Variants in SH2D4A observed in about 807,000 individuals in gnomAD.
The protein encoded by SH2D4A is SH2 domain containing 4A.
In SH2D4A, 70 loss-of-function variants were observed where a neutral mutation model predicts 64.7. The ratio of observed to expected loss-of-function variants is 1.08; its 90% CI spans 0.89 to 1.32. SH2D4A has a LOEUF of 1.32. Among genes scored for constraint, SH2D4A ranks in the 40% most tolerant of loss-of-function variants. The pLI, the probability that SH2D4A is intolerant of heterozygous loss-of-function variation, is 0.00. For missense variants in SH2D4A, 706 were observed against 540.1 expected (o/e 1.31, Z -3.04); for synonymous variants, 268 against 200.7 (o/e 1.34, Z -2.83).
intron 2 of SH2D4A, among the ~76,000 whole-genome samples, chr8:19,320,983 T>C (rs2052179625): frequency 6.6e-6 from 1 of 152,214 alleles, no homozygotes; most frequent in Non-Finnish European, 1.5e-5. Flanking sequence ...TTACTGTCTT[T>C]TATTAAAACT....
chr8:19,345,288 T>C (rs1367513998), intron 4 of SH2D4A, among the ~76,000 whole-genome samples: 1 of 152,186 alleles, frequency 6.6e-6, no homozygotes, highest in Non-Finnish European at 1.5e-5. Flanking sequence ...AGATGGACTC[T>C]GTTTGCTGAG....
At chr8:19,319,133 C>CTT (rs35016269) in intron 1 of SH2D4A, among the ~76,000 whole-genome samples, 21 of 145,094 alleles carry the variant, frequency 1.4e-4, no homozygotes, top group East Asian at 1.4e-3. Flanking sequence ...GGTTTGTTTT[C>CTT]TTTTTTTTTT....
chr8:19,317,303 ATTTTTTT>A (rs761621347), intron 1 of SH2D4A, among the ~76,000 whole-genome samples: 1 of 97,372 alleles, frequency 1.0e-5, no homozygotes, highest in Non-Finnish European at 2.0e-5. Flanking sequence ...CAAGACATCC[ATTTTTTT>A]TTTTTTTTTT....
chr8:19,385,513 T>G (rs2053373941), intron 8 of SH2D4A, among the ~76,000 whole-genome samples: 1 of 152,116 alleles, frequency 6.6e-6, no homozygotes, highest in Non-Finnish European at 1.5e-5. Flanking sequence ...ACTTCAGCTA[T>G]TTTGATTTCT....
chr8:19,393,450 T>A lies in SH2D4A; in HGVS notation c.1181T>A (p.Phe394Tyr), dbSNP rs1445286959. The A allele has an allele frequency of 6.2e-7, 1 of 1,614,234 alleles. No individual in the cohort carries two copies. The highest frequency in any genetic ancestry group is 1.1e-5 in the South Asian group (1 of 91,084). Residue 394 changes from phenylalanine (F) to tyrosine (Y), a missense_variant, in exon 9 of 10, where the codon TTC (phenylalanine) becomes TAC (tyrosine). Physicochemically the swap from Phe to Tyr is conservative, Grantham distance 22. Transcript: ENST00000265807. ...SYLSEDGCKH[F>Y]LIDASADAYS... ...CTGTCGGAGGACGGCTGTAAACATT[T>A]CCTCATCGATGCCTCTGCAGACGCC...
rs1303088754 is a variant in SH2D4A at position 19,394,568 on chromosome 8, C to A, written c.1291C>A (p.Leu431Met). ...EYHKEEPITS[L>M]GKELLLYPCG... Reference sequence around the variant, plus strand: ...TTGACAGGAGGAACCCATCACTTCCCTGGGGAAGGAGCTCCTTCTCTATCC... The same window carrying A: ...TTGACAGGAGGAACCCATCACTTCCATGGGGAAGGAGCTCCTTCTCTATCC... Residue 431 changes from leucine to methionine, a missense_variant, in exon 10 of 10, where the codon CTG (leucine) becomes ATG (methionine). Coordinates refer to ENST00000265807, the MANE Select transcript of SH2D4A (RefSeq NM_022071.4). The A allele has an allele frequency of 1.2e-6, 2 of 1,607,974 alleles. No homozygotes were observed. Among genetic ancestry groups the A allele is most frequent in the South Asian group, 2.2e-5 (2 of 89,902 alleles).
At chr8:19,327,080 C>T (rs1175789985) in intron 2 of SH2D4A, among the ~76,000 whole-genome samples, 1 of 152,168 alleles carries the variant, frequency 6.6e-6, no homozygotes, top group East Asian at 1.9e-4. Flanking sequence ...GGAAATGTCT[C>T]TCAGATCTTA....
intron 2 of SH2D4A, among the ~76,000 whole-genome samples, chr8:19,323,203 G>C (rs2052221051): frequency 6.6e-6 from 1 of 152,004 alleles, no homozygotes; most frequent in Non-Finnish European, 1.5e-5. Flanking sequence ...CTTGAGCACA[G>C]GAAATGAGGC....
At chr8:19,388,523 G>C (rs1378209351) in intron 8 of SH2D4A, among the ~76,000 whole-genome samples, 2 of 152,124 alleles carry the variant, frequency 1.3e-5, no homozygotes, top group Non-Finnish European at 2.9e-5. Context: ...AATTATTTGA[G>C]GATAATAACA....
At chr8:19,374,474 T>A (rs1461805488) in intron 8 of SH2D4A, among the ~76,000 whole-genome samples, 1 of 152,194 alleles carries the variant, frequency 6.6e-6, no homozygotes, top group African/African-American at 2.4e-5. Context: ...CCTAAGCATG[T>A]CTTGGTTTGC....
At chr8:19,381,328 G>T (rs2053289760) in intron 8 of SH2D4A, among the ~76,000 whole-genome samples, 1 of 152,202 alleles carries the variant, frequency 6.6e-6, no homozygotes, top group Admixed American at 6.5e-5. Flanking sequence ...GGGATTACAA[G>T]CATGAGCCAC....
intron 6 of SH2D4A, among the ~76,000 whole-genome samples, chr8:19,361,992 AGAG>A (rs1244652781): frequency 6.6e-6 from 1 of 152,232 alleles, no homozygotes; most frequent in African/African-American, 2.4e-5. Flanking sequence ...AACTGAAGGC[AGAG>A]GAGAGGATGC....
intron 5 of SH2D4A, among the ~76,000 whole-genome samples, chr8:19,358,909 A>G (rs1357598320): frequency 6.6e-6 from 1 of 152,012 alleles, no homozygotes; most frequent in Non-Finnish European, 1.5e-5. Flanking sequence ...CACACCTTCC[A>G]CCCTGGGCAT....
chr8:19,383,219 T>A (rs908060731), intron 8 of SH2D4A, among the ~76,000 whole-genome samples: 1 of 152,124 alleles, frequency 6.6e-6, no homozygotes, highest in Non-Finnish European at 1.5e-5. Flanking sequence ...GTAGGTCTGG[T>A]AGGCTGTGTT....
chr8:19,332,460 C>G (rs1016659239), intron 2 of SH2D4A, among the ~76,000 whole-genome samples: 1 of 152,060 alleles, frequency 6.6e-6, no homozygotes, highest in Non-Finnish European at 1.5e-5. Flanking sequence ...ATGGTGAAAT[C>G]CTGTCTCTAC....
intron 8 of SH2D4A, among the ~76,000 whole-genome samples, chr8:19,386,580 G>T (rs544433502): frequency 1.3e-4 from 20 of 152,256 alleles, no homozygotes; most frequent in African/African-American, 4.6e-4. Context: ...GACCCTTGTA[G>T]TTCCCTGTCC....
chr8:19,393,485 C>T lies in SH2D4A; in HGVS notation c.1216C>T (p.Leu406=), dbSNP rs1050717155. The T allele has an allele frequency of 9.3e-6, 15 of 1,614,236 alleles. No homozygotes were observed. Among genetic ancestry groups the T allele is most frequent in the East Asian group, 6.7e-5 (3 of 44,880 alleles). ...TGCCTCTGCAGACGCCTACAGCTTCCTGGGCGTGGACCAGCTACAGCATGC... is the reference window on the plus strand; with the variant it reads ...TGCCTCTGCAGACGCCTACAGCTTCTTGGGCGTGGACCAGCTACAGCATGC... The part of the protein sequence containing the change: ...IDASADAYSF[L]GVDQLQHATL... Residue 406 remains leucine, a synonymous_variant, in exon 9 of 10, where the codon CTG becomes TTG. Transcript: ENST00000265807.
intron 2 of SH2D4A, among the ~76,000 whole-genome samples, chr8:19,322,358 G>T (rs1258567472): frequency 6.6e-6 from 1 of 152,126 alleles, no homozygotes; most frequent in Non-Finnish European, 1.5e-5. Flanking sequence ...CGCCTTTCTG[G>T]TTAGTACTGA....
At chr8:19,350,333 G>T (rs904162106) in intron 4 of SH2D4A, among the ~76,000 whole-genome samples, 1 of 152,186 alleles carries the variant, frequency 6.6e-6, no homozygotes, top group Non-Finnish European at 1.5e-5. Context: ...GCCCAGTTCT[G>T]TTGTTTGTGC....
Sources: allele counts gnomAD v4.1 joint callset (sites outside exome capture counted in the v4.1 genomes callset), GRCh38; gene constraint gnomAD v4.1.1; transcripts MANE v1.5; gene names NCBI Gene and HGNC (gene_info 2026-07-23, HGNC 2026-07-21).